Variants in HIP1 observed in about 807,000 individuals in gnomAD.
The protein encoded by HIP1 is huntingtin-interacting protein 1.
In HIP1, 65 loss-of-function variants were observed where a neutral mutation model predicts 147.6. The ratio of observed to expected loss-of-function variants is 0.44; its 90% confidence interval spans 0.36 to 0.54. The LOEUF (loss-of-function observed/expected upper bound fraction) is 0.54. HIP1 is among the 20% of genes least tolerant of loss of function. The pLI, the probability that HIP1 is intolerant of heterozygous loss-of-function variation, is 0.00. For missense variants in HIP1, 1,061 were observed against 1,299.6 expected (o/e 0.82, Z 2.82); for synonymous variants, 479 against 504.0 (o/e 0.95, Z 0.67).
At chr7:75,558,552 C>T (rs1795106181) in intron 14 of HIP1, among the ~76,000 whole-genome samples, 1 of 152,202 alleles carries the variant, frequency 6.6e-6, no homozygotes, top group African/African-American at 2.4e-5. Context: ...TGGTTTCAAA[C>T]TCCTGGGCTC....
At chr7:75,627,463 A>G (rs1798083937) in intron 1 of HIP1, among the ~76,000 whole-genome samples, 1 of 152,110 alleles carries the variant, frequency 6.6e-6, no homozygotes, top group Admixed American at 6.6e-5. Flanking sequence ...CTGTTCCTAG[A>G]TCAAAGTGAG....
At chr7:75,640,824 G>A (rs189684705) in intron 1 of HIP1, among the ~76,000 whole-genome samples, 2 of 151,858 alleles carry the variant, frequency 1.3e-5, no homozygotes, top group East Asian at 1.9e-4. Flanking sequence ...ACAGCTGCGA[G>A]GCCGACCTCT....
At chr7:75,644,766 C>T (rs886397882) in intron 1 of HIP1, among the ~76,000 whole-genome samples, 3 of 152,174 alleles carry the variant, frequency 2.0e-5, no homozygotes, top group Non-Finnish European at 4.4e-5. Flanking sequence ...TCAACCAACA[C>T]TAGCTGAGTG....
Position 75,549,001 on chromosome 7 carries a change from C to G in HIP1, c.2296G>C (p.Glu766Gln), listed in dbSNP as rs782440874. Residue 766 changes from glutamate (E) to glutamine (Q), a missense_variant and splice_region_variant, in exon 23 of 31, where the codon GAG becomes CAG. Physicochemically the swap from Glu to Gln is conservative, Grantham distance 29. Transcript: ENST00000336926. ...CLSKIKAIGE[E>Q]LLPRGLDIKQ... ...ATGTCCAGTCCCCTGGGCAGGAGCTCCTGTGAACACATCACAAAGGCTGAA... is the reference window on the plus strand; with the variant it reads ...ATGTCCAGTCCCCTGGGCAGGAGCTGCTGTGAACACATCACAAAGGCTGAA... 1.2e-6 allele frequency: 2 copies of G among 1,606,420 alleles called. No individual in the cohort carries two copies. Among genetic ancestry groups the G allele is most frequent in the Non-Finnish European group, 1.7e-6 (2 of 1,172,974 alleles).
chr7:75,619,778 C>T (rs955945767), intron 1 of HIP1, among the ~76,000 whole-genome samples: 1 of 152,194 alleles, frequency 6.6e-6, no homozygotes, highest in Non-Finnish European at 1.5e-5. Flanking sequence ...ATTCAGTTTA[C>T]AGAAGTGTGA....
intron 1 of HIP1, among the ~76,000 whole-genome samples, chr7:75,645,955 A>T (rs1798787326): frequency 6.6e-6 from 1 of 152,218 alleles, no homozygotes; most frequent in Admixed American, 6.5e-5. Flanking sequence ...GGAGGGGACA[A>T]GTGTTGAAAA....
chr7:75,663,975 CATATATGTGTATATATAT>C lies in HIP1; in HGVS notation c.121-64746_121-64729del, dbSNP rs1563278085. ...ACATATATGTGTATATATATATACA[CATATATGTGTATATATAT>C]ACACATATATGTGTATATATATACA... On this transcript the variant is annotated intron_variant, in intron 1 of 30. Coordinates refer to ENST00000336926, the MANE Select transcript of HIP1 (RefSeq NM_005338.7). 3.4e-4 allele frequency among the ~76,000 whole-genome samples: 5 copies of C among 14,770 alleles called. 2 individuals are homozygous for C. Among genetic ancestry groups the C allele is most frequent in the African/African-American group, 8.7e-4 (2 of 2,288 alleles). 9.7% of individuals were successfully genotyped at this position (14,770 alleles called of 152,430 possible). A position where few individuals can be genotyped will look rare whatever the true frequency, so the allele number is the denominator to read the frequency against.
In HIP1 at chr7:75,663,449, G is replaced by C. The variant is rs148374194; in HGVS notation, c.121-64202C>G. Among the ~76,000 whole-genome samples, 90 of 152,240 alleles carry C rather than the reference G, an allele frequency of 5.9e-4. 2 individuals are homozygous for C. In the East Asian group the frequency reaches 0.017, roughly 29 times the overall value. On this transcript the variant is annotated intron_variant, in intron 1 of 30. Coordinates refer to ENST00000336926, the MANE Select transcript of HIP1 (RefSeq NM_005338.7). Reference sequence around the variant, plus strand: ...ACTGCACTCCAGCCTGGGTGACAGAGTGTGTCATCCTGGCGGCACTGCTCC... The same window carrying C: ...ACTGCACTCCAGCCTGGGTGACAGACTGTGTCATCCTGGCGGCACTGCTCC...
chr7:75,703,649 AAAAGCC>A (rs1472016508), intron 1 of HIP1, among the ~76,000 whole-genome samples: 1 of 152,086 alleles, frequency 6.6e-6, no homozygotes, highest in Non-Finnish European at 1.5e-5. Context: ...AAACAAACAA[AAAAGCC>A]AAATATATAG....
chr7:75,665,517 A>G (rs1799529511), intron 1 of HIP1, among the ~76,000 whole-genome samples: 1 of 150,952 alleles, frequency 6.6e-6, no homozygotes, highest in Non-Finnish European at 1.5e-5. Flanking sequence ...ATCTTTTCTC[A>G]TACTAAAGCT....
At chr7:75,627,442 A>G (rs1242663542) in intron 1 of HIP1, among the ~76,000 whole-genome samples, 1 of 152,072 alleles carries the variant, frequency 6.6e-6, no homozygotes, top group Non-Finnish European at 1.5e-5. Context: ...GGCCTTGACC[A>G]CTCTGAAATA....
intron 1 of HIP1, among the ~76,000 whole-genome samples, chr7:75,628,836 C>T (rs1381643025): frequency 6.6e-6 from 1 of 152,220 alleles, no homozygotes; most frequent in African/African-American, 2.4e-5. Context: ...ACATTATCTA[C>T]ACCTGGCATG....
chr7:75,629,646 G>A (rs1232187351), intron 1 of HIP1, among the ~76,000 whole-genome samples: 14 of 151,802 alleles, frequency 9.2e-5, no homozygotes, highest in East Asian at 1.9e-4. Flanking sequence ...AGGTTCAGGC[G>A]ATTCTCGTGC....
At chr7:75,545,613 G>C (rs993143183) in intron 25 of HIP1, among the ~76,000 whole-genome samples, 1 of 151,754 alleles carries the variant, frequency 6.6e-6, no homozygotes, top group African/African-American at 2.4e-5. Context: ...CTGCACTCTA[G>C]CCTGAGCAAC....
At chr7:75,706,846 T>C (rs1801022899) in intron 1 of HIP1, among the ~76,000 whole-genome samples, 1 of 83,112 alleles carries the variant, frequency 1.2e-5, no homozygotes, top group Non-Finnish European at 2.3e-5. Context: ...TGTGATCTCA[T>C]TGTTCAATTC....
In HIP1 at chr7:75,537,637, T is replaced by A. The variant is rs587657012; in HGVS notation, c.*535A>T. On this transcript the variant is annotated 3_prime_UTR_variant, in exon 31 of 31. Transcript: ENST00000336926. ...ATTCACAGCCAGGACACTCCTGCCG[T>A]CCTTCTGACTGTGCAGATCTCAGGG... 1.1e-4 allele frequency: 26 copies of A among 234,000 alleles called. No homozygotes were observed. In the Admixed American group the frequency reaches 1.2e-3, roughly 11 times the overall value. The allele number at this position is 234,000 out of a possible 1,614,324, so 14.5% of individuals were successfully genotyped here.
rs984872897 is a variant in HIP1 at position 75,536,650 on chromosome 7, T to C, written c.*1522A>G. ...CACAGGGCAGCGAGAGCCTGGGGCA[T>C]GTGGCTGAAAGGAGTTGGAGCCGCT... On this transcript the variant is annotated 3_prime_UTR_variant, in exon 31 of 31. Transcript: ENST00000336926. The C allele has an allele frequency of 7.4e-5, 17 of 229,428 alleles. No homozygotes were observed. Among genetic ancestry groups the C allele is most frequent in the African/African-American group, 3.3e-4 (15 of 45,228 alleles). The allele number at this position is 229,428 out of a possible 1,614,324, so 14.2% of individuals were successfully genotyped here. A position where few individuals can be genotyped will look rare whatever the true frequency, so the allele number is the denominator to read the frequency against.
At chr7:75,633,332 GC>G (rs1554509201) in intron 1 of HIP1, among the ~76,000 whole-genome samples, 1 of 151,900 alleles carries the variant, frequency 6.6e-6, no homozygotes, top group Non-Finnish European at 1.5e-5. Context: ...TTGCTCTGTT[GC>G]CCAGGCTGGA....
intron 1 of HIP1, among the ~76,000 whole-genome samples, chr7:75,646,182 C>G (rs991596330): frequency 1.3e-5 from 2 of 152,130 alleles, no homozygotes; most frequent in Non-Finnish European, 2.9e-5. Flanking sequence ...CGGGTTCAAA[C>G]GATTCTCCCA....
Sources: allele counts gnomAD v4.1 joint callset (sites outside exome capture counted in the v4.1 genomes callset), GRCh38; gene constraint gnomAD v4.1.1; transcripts MANE v1.5; gene names NCBI Gene and HGNC (gene_info 2026-07-23, HGNC 2026-07-21).